The following PSG9 variants were observed in gnomAD, a reference collection of about 807,000 sequenced individuals.
The protein encoded by PSG9 is pregnancy specific beta-1-glycoprotein 9.
Under a neutral mutation model 41.9 loss-of-function variants are expected in PSG9, and 49 were observed. That is an observed-to-expected ratio of 1.17 (90% CI 0.93 to 1.48). PSG9 has a LOEUF of 1.48. Ranked by LOEUF, PSG9 falls within the 40% of genes most tolerant of loss-of-function variation. PSG9 has a pLI of 0.00. For missense variants in PSG9, 641 were observed against 520.3 expected (o/e 1.23, Z -2.26); for synonymous variants, 263 against 196.8 (o/e 1.34, Z -2.82).
At position 43,267,892 on chromosome 19, in the gene PSG9, G is replaced by T; in HGVS notation, c.322C>A (p.Leu108Met). The T allele has an allele frequency of 1.2e-6, 2 of 1,613,808 alleles. No individual in the cohort carries two copies. Among genetic ancestry groups the T allele is most frequent in the Non-Finnish European group, 1.7e-6 (2 of 1,179,778 alleles). Reference sequence around the variant, plus strand: ...TCCTTCCGGGTGACATTCTGGATCAGCAGGGATGCGTTGGAATATACTGTT... The same window carrying T: ...TCCTTCCGGGTGACATTCTGGATCATCAGGGATGCGTTGGAATATACTGTT... ...RETVYSNASL[L>M]IQNVTRKDAG... Residue 108 changes from leucine (L) to methionine (M), a missense_variant, in exon 2 of 6, where the codon CTG becomes ATG. Coordinates refer to ENST00000270077, the MANE Select transcript of PSG9 (RefSeq NM_002784.5).
Position 43,268,112 on chromosome 19 carries a change from G to C in PSG9, c.102C>G (p.Ala34=), listed in dbSNP as rs143419745. Residue 34 remains alanine, a synonymous_variant, in exon 2 of 6, where the codon GCC becomes GCG. Transcript: ENST00000270077. ...LLNFWNPPTT[A]EVTIEAQPPK... ...GTGGCTGGGCTTCAATCGTGACTTC[G>C]GCAGTGGTGGGCGGGTTCCAGAAGT... The C allele has an allele frequency of 3.5e-4, 572 of 1,611,704 alleles. 3 individuals are homozygous for C. The highest frequency in any genetic ancestry group is 4.2e-4 in the Admixed American group (25 of 59,836).
Position 43,256,766 on chromosome 19 carries a change from G to A in PSG9, c.1243+1436C>T, listed in dbSNP as rs532972510. ...TGCATTGCTGATGGGAATGGGAAAT[G>A]TTATAGCCACTGTAAAAAGTGGTGT... On this transcript the variant is annotated intron_variant, in intron 5 of 5. Coordinates refer to ENST00000270077, the MANE Select transcript of PSG9 (RefSeq NM_002784.5). Among the ~76,000 whole-genome samples, 27 of 146,964 alleles carry A rather than the reference G, an allele frequency of 1.8e-4. 3 individuals carry two copies. Among genetic ancestry groups the A allele is most frequent in the Non-Finnish European group, 3.0e-4 (20 of 67,432 alleles).
At chr19:43,265,593 C>T (rs374354194) in intron 2 of PSG9, among the ~76,000 whole-genome samples, 1 of 152,182 alleles carries the variant, frequency 6.6e-6, no homozygotes, top group African/African-American at 2.4e-5. Flanking sequence ...AAATCTCTAA[C>T]CCCTGATCCA....
In PSG9 at chr19:43,258,438, C is replaced by A; in HGVS notation, c.1007G>T (p.Arg336Ile). The A allele has an allele frequency of 1.9e-6, 3 of 1,578,978 alleles. 1 individual carries two copies. The highest frequency in any genetic ancestry group is 2.6e-6 in the Non-Finnish European group (3 of 1,168,516). The change falls in exon 5 of 6, where the codon AGA (arginine) becomes ATA (isoleucine). Residue 336 changes from arginine (R) to isoleucine (I), a missense_variant. Coordinates refer to ENST00000270077, the MANE Select transcript of PSG9 (RefSeq NM_002784.5). ...GTAATAGGTGAATGAAGGGTAAATT[C>A]TGGGGAGGTCTGGACCATCTGGAGG... Reference protein sequence around the residue: ...LNVLYGPDLPRIYPSFTYYRS... With the variant: ...LNVLYGPDLPIIYPSFTYYRS...
At chr19:43,265,862 T>C (rs557365908) in intron 2 of PSG9, among the ~76,000 whole-genome samples, 1 of 152,234 alleles carries the variant, frequency 6.6e-6, no homozygotes, top group East Asian at 1.9e-4. Flanking sequence ...TTTCTCTTAG[T>C]GACCTGGGGA....
chr19:43,266,856 A>G (rs898893899), intron 2 of PSG9, among the ~76,000 whole-genome samples: 11 of 152,060 alleles, frequency 7.2e-5, no homozygotes, highest in African/African-American at 1.9e-4. Flanking sequence ...CAGTGACTGC[A>G]CCTTCCTGTG....
At chr19:43,269,214 C>T (rs530945860) in intron 1 of PSG9, among the ~76,000 whole-genome samples, 154 bp downstream of exon 1, 1 of 151,966 alleles carries the variant, frequency 6.6e-6, no homozygotes, top group South Asian at 2.1e-4. Context: ...CTGCATTGGC[C>T]GGACTGATCT....
chr19:43,260,925 T>A (rs975433022), intron 3 of PSG9, among the ~76,000 whole-genome samples: 1 of 152,142 alleles, frequency 6.6e-6, no homozygotes, highest in African/African-American at 2.4e-5. Flanking sequence ...ACCTTTTTGG[T>A]TAAACTTATT....
At position 43,254,430 on chromosome 19, in the gene PSG9, C is replaced by T. The variant is rs925707643; in HGVS notation, c.1244-784G>A. On this transcript the variant is annotated intron_variant, in intron 5 of 5. Transcript: ENST00000270077. Reference sequence around the variant, plus strand: ...CATTGACTGCATTAAACCTTTAAAACAATGGTAAGAAGAAAGTACTCTCAT... The same window carrying T: ...CATTGACTGCATTAAACCTTTAAAATAATGGTAAGAAGAAAGTACTCTCAT... Among the ~76,000 whole-genome samples the T allele has an allele frequency of 2.7e-5, 4 of 145,926 alleles. 1 individual carries two copies. Among genetic ancestry groups the T allele is most frequent in the African/African-American group, 5.2e-5 (2 of 38,184 alleles).
chr19:43,263,136 C>A (rs1456366960), intron 2 of PSG9, among the ~76,000 whole-genome samples: 1 of 152,120 alleles, frequency 6.6e-6, no homozygotes, highest in Non-Finnish European at 1.5e-5. Context: ...TACCTCCTAT[C>A]AGTGGATTCC....
intron 3 of PSG9, among the ~76,000 whole-genome samples, chr19:43,261,498 A>G (rs1968708621): frequency 6.6e-6 from 1 of 152,164 alleles, no homozygotes. Context: ...CGATATTGTC[A>G]GAGGGAAGGG....
chr19:43,256,885 C>G (rs56372966), intron 5 of PSG9, among the ~76,000 whole-genome samples: 8,254 of 146,528 alleles, frequency 0.056, 866 homozygotes, highest in Middle Eastern at 0.086. Flanking sequence ...GAAATTTGAA[C>G]AAATATTTGT....
In PSG9 at chr19:43,258,218, C is replaced by G. The variant is rs1465919977; in HGVS notation, c.1227G>C (p.Met409Ile). 22 of 1,592,632 alleles carry G rather than the reference C, an allele frequency of 1.4e-5. No individual in the cohort carries two copies. The highest frequency in any genetic ancestry group is 5.3e-5 in the East Asian group (2 of 37,572). The change falls in exon 5 of 6, where the codon ATG becomes ATC. Residue 409 changes from methionine (M) to isoleucine (I), a missense_variant. Physicochemically the swap from Met to Ile is conservative, Grantham distance 10. Coordinates refer to ENST00000270077, the MANE Select transcript of PSG9 (RefSeq NM_002784.5). ...TCCACTTACCAGAGACTTTGACTGTCATGGATTTGGAGATTTCCTTGCCAG... is the reference window on the plus strand; with the variant it reads ...TCCACTTACCAGAGACTTTGACTGTGATGGATTTGGAGATTTCCTTGCCAG... ...SATGKEISKSMTVKVSGPCHG... is the reference protein window; with the variant it reads ...SATGKEISKSITVKVSGPCHG...
chr19:43,263,498 T>G (rs549050363), intron 2 of PSG9, among the ~76,000 whole-genome samples: 1 of 152,066 alleles, frequency 6.6e-6, no homozygotes, highest in Non-Finnish European at 1.5e-5. Flanking sequence ...ATTGTGGATT[T>G]CTGGATTTGG....
intron 2 of PSG9, among the ~76,000 whole-genome samples, chr19:43,265,668 A>G (rs1376887810): frequency 6.6e-6 from 1 of 152,156 alleles, no homozygotes; most frequent in Non-Finnish European, 1.5e-5. Flanking sequence ...TGGAGTCATT[A>G]AAATCTTTCT....
intron 3 of PSG9, among the ~76,000 whole-genome samples, chr19:43,261,094 A>G (rs561800997): frequency 0.011 from 1,715 of 152,160 alleles, 21 homozygotes; most frequent in Non-Finnish European, 0.018. Flanking sequence ...CATATTCCCT[A>G]TCCAGGGTTT....
At position 43,258,372 on chromosome 19, in the gene PSG9, G is replaced by A; in HGVS notation, c.1073C>T (p.Ser358Phe). The change falls in exon 5 of 6, where the codon TCT becomes TTT. Residue 358 changes from serine to phenylalanine, a missense_variant. Ser to Phe is a radical substitution (Grantham distance 155, BLOSUM62 -2). Coordinates refer to ENST00000270077, the MANE Select transcript of PSG9 (RefSeq NM_002784.5). ...CCAAAAATACTCTGCCGGTGGGTTAGATTCCGTGAAGCAGGACAAGTCGAG... is the reference window on the plus strand; with the variant it reads ...CCAAAAATACTCTGCCGGTGGGTTAAATTCCGTGAAGCAGGACAAGTCGAG... Reference protein sequence around the residue: ...ENLDLSCFTESNPPAEYFWTI... With the variant: ...ENLDLSCFTEFNPPAEYFWTI... The A allele has an allele frequency of 1.9e-6, 3 of 1,593,078 alleles. 1 individual carries two copies. The South Asian group carries it at 3.3e-5, about 18-fold the overall frequency.
chr19:43,254,203 A>G (rs1446870407), intron 5 of PSG9, among the ~76,000 whole-genome samples: 2 of 146,304 alleles, frequency 1.4e-5, no homozygotes, highest in Non-Finnish European at 3.0e-5. Context: ...AAGCCACACA[A>G]TAACCCTGTC....
rs367601953 is a variant in PSG9, at chr19:43,258,322, A to G, written c.1123T>C (p.Ser375Pro). The stretch of plus-strand genomic sequence containing the variant: ...TGGGGGATAAAGAGCTTTTGTCCTG[A>G]TTGCTGAAACTTCCCATTAATTGTC... ...FWTINGKFQQ[S>P]GQKLFIPQIT... Residue 375 changes from serine (S) to proline (P), a missense_variant, in exon 5 of 6, where the codon TCA (serine) becomes CCA (proline). Coordinates refer to ENST00000270077, the MANE Select transcript of PSG9 (RefSeq NM_002784.5). 5 of 1,592,686 alleles carry G rather than the reference A, an allele frequency of 3.1e-6. No individual in the cohort carries two copies. In the African/African-American group the frequency reaches 4.2e-5, roughly 14 times the overall value.
Sources: gnomAD v4.1 joint callset for allele counts (sites outside exome capture counted in the v4.1 genomes callset) on GRCh38, gnomAD v4.1.1 for gene constraint, MANE v1.5 for transcripts, NCBI Gene and HGNC (gene_info 2026-07-23, HGNC 2026-07-21) for gene names.